The following ZNF608 variants were observed in gnomAD, a reference collection of about 807,000 sequenced individuals.
The protein encoded by ZNF608 is renal carcinoma antigen NY-REN-36.
In ZNF608, 12 loss-of-function variants were observed where a neutral mutation model predicts 109.0. The observed-to-expected ratio is 0.11, with a 90% CI of 0.07 to 0.18. The LOEUF is 0.18. Ranked by LOEUF, ZNF608 falls within the 10% of genes least tolerant of loss-of-function variation. ZNF608 has a pLI of 1.00. For missense variants in ZNF608, 1,707 were observed against 1,879.3 expected, an observed-to-expected ratio of 0.91 and a Z score of 1.70; for synonymous variants, 732 against 717.4, an observed-to-expected ratio of 1.02 and a Z score of -0.33.
At chr5:124,716,349 G>A (rs1753706184) in intron 2 of ZNF608, among the ~76,000 whole-genome samples, 1 of 150,864 alleles carries the variant, frequency 6.6e-6, no homozygotes, top group Non-Finnish European at 1.5e-5. Flanking sequence ...AAAAAAAAGA[G>A]GGGATTTCCT....
At position 124,745,179 on chromosome 5, in the gene ZNF608, AG is replaced by A. The variant is rs34427769; in HGVS notation, c.-183-8del. On this transcript the variant is annotated splice_region_variant and splice_polypyrimidine_tract_variant and intron_variant, in intron 1 of 9. Coordinates refer to ENST00000513986, the MANE Select transcript of ZNF608 (RefSeq NM_020747.3). ...AGTCCAGGTCCACCTTTTCCTGTGA[AG>A]GGGGGGGGAAAAGTCGAATATTTCT... is the stretch of plus-strand genomic sequence containing the variant. 0.22 allele frequency: 305,976 copies of A among 1,361,266 alleles called. 37,323 individuals carry two copies. The highest frequency in any genetic ancestry group is 0.61 in the East Asian group (22,859 of 37,256). The allele number at this position is 1,361,266 out of a possible 1,614,324, so 84.3% of individuals were successfully genotyped here. A position where few individuals can be genotyped will look rare whatever the true frequency, so the allele number is the denominator to read the frequency against.
In ZNF608 at chr5:124,746,473, T is replaced by G; in HGVS notation, c.-462A>C. On this transcript the variant is annotated 5_prime_UTR_variant, in exon 1 of 10. Coordinates refer to ENST00000513986, the MANE Select transcript of ZNF608 (RefSeq NM_020747.3). ...ACATTCACAACAGAAGCACCAAAGG[T>G]TTTTTTTTCCTCTTAACAAGCATCG... is the stretch of plus-strand genomic sequence containing the variant. The G allele has an allele frequency of 5.1e-6, 5 of 983,612 alleles. No individual in the cohort carries two copies. The highest frequency in any genetic ancestry group is 6.0e-6 in the Non-Finnish European group (5 of 829,224). 60.9% of individuals were successfully genotyped at this position (983,612 alleles called of 1,614,324 possible).
intron 3 of ZNF608, among the ~76,000 whole-genome samples, chr5:124,659,844 T>C (rs759070991): frequency 5.3e-5 from 8 of 152,226 alleles, no homozygotes; most frequent in Non-Finnish European, 1.2e-4. Context: ...AAGCTGCTAC[T>C]GATCCATGTG....
intron 2 of ZNF608, among the ~76,000 whole-genome samples, chr5:124,702,017 A>G (rs1383241861): frequency 6.6e-6 from 1 of 152,234 alleles, no homozygotes; most frequent in East Asian, 1.9e-4. Context: ...CTCTAAATAC[A>G]GGAAATGTAA....
Position 124,647,548 on chromosome 5 carries a change from C to G in ZNF608, c.2836G>C (p.Ala946Pro). Reference protein sequence around the residue: ...SPAYSDISDAADDGGSDSRSE... With the variant: ...SPAYSDISDAPDDGGSDSRSE... Reference sequence around the variant, plus strand: ...CTGCTGTCAGAACCACCATCGTCAGCAGCATCAGATATGTCTGAATAGGCC... The same window carrying G: ...CTGCTGTCAGAACCACCATCGTCAGGAGCATCAGATATGTCTGAATAGGCC... Residue 946 changes from alanine (A) to proline (P), a missense_variant, in exon 5 of 10, where the codon GCT becomes CCT. By Grantham distance (27) the Ala-to-Pro change is conservative. Coordinates refer to ENST00000513986, the MANE Select transcript of ZNF608 (RefSeq NM_020747.3). The G allele has an allele frequency of 6.2e-7, 1 of 1,614,238 alleles. No individual in the cohort carries two copies. Among genetic ancestry groups the G allele is most frequent in the Non-Finnish European group, 8.5e-7 (1 of 1,180,042 alleles).
chr5:124,650,079 C>A (rs952037838), intron 3 of ZNF608, among the ~76,000 whole-genome samples: 1 of 152,344 alleles, frequency 6.6e-6, no homozygotes, highest in East Asian at 1.9e-4. Context: ...TATAAACTAG[C>A]GCCAGTTACC....
intron 2 of ZNF608, among the ~76,000 whole-genome samples, chr5:124,739,833 A>G (rs1749307968): frequency 6.6e-6 from 1 of 152,168 alleles, no homozygotes; most frequent in Non-Finnish European, 1.5e-5. Context: ...CGAAGAACAG[A>G]TGGTACTTTC....
intron 3 of ZNF608, among the ~76,000 whole-genome samples, chr5:124,671,887 G>A (rs566154096): frequency 2.6e-5 from 4 of 151,922 alleles, no homozygotes; most frequent in South Asian, 4.2e-4. Flanking sequence ...ATCCACCTGC[G>A]TCAGCTTCCC....
intron 2 of ZNF608, among the ~76,000 whole-genome samples, chr5:124,714,695 AGTGCT>A (rs1753627385): frequency 6.6e-6 from 1 of 152,210 alleles, no homozygotes; most frequent in Non-Finnish European, 1.5e-5. Context: ...CTATCATATA[AGTGCT>A]CAACAAATGT....
chr5:124,654,043 A>G (rs1025637266), intron 3 of ZNF608, among the ~76,000 whole-genome samples: 4 of 152,162 alleles, frequency 2.6e-5, no homozygotes, highest in Non-Finnish European at 4.4e-5. Context: ...GTGTTAAACT[A>G]AATTTGTCTT....
At chr5:124,668,212 A>C (rs945038603) in intron 3 of ZNF608, among the ~76,000 whole-genome samples, 4 of 142,714 alleles carry the variant, frequency 2.8e-5, no homozygotes, top group Non-Finnish European at 4.6e-5. Flanking sequence ...ATATATATAT[A>C]TATATTATAT....
chr5:124,744,261 A>T lies in ZNF608; in HGVS notation c.729T>A (p.Asn243Lys). The T allele has an allele frequency of 2.5e-6, 4 of 1,613,372 alleles. No individual in the cohort carries two copies. Among genetic ancestry groups the T allele is most frequent in the Non-Finnish European group, 3.4e-6 (4 of 1,179,854 alleles). The change falls in exon 2 of 10, where the codon AAT (asparagine) becomes AAA (lysine). Residue 243 changes from asparagine (N) to lysine (K), a missense_variant. Coordinates refer to ENST00000513986, the MANE Select transcript of ZNF608 (RefSeq NM_020747.3). This position sits in a 1 kb window ranked among gnomAD's most constrained non-coding sequence, Gnocchi z 4.5. ...AGTGGAAGGGGCTCGCGCCACCTCC[A>T]TTGCTCTTGGCCCCAAAGCCATAGA... ...GHLYGFGAKS[N>K]GGGASPFHCG...
chr5:124,647,658 A>G lies in ZNF608; in HGVS notation c.2726T>C (p.Leu909Ser), dbSNP rs200276390. 4.3e-5 allele frequency: 70 copies of G among 1,614,186 alleles called. No individual in the cohort carries two copies. In the Admixed American group the frequency reaches 1.1e-3, roughly 27 times the overall value. Residue 909 changes from leucine (L) to serine (S), a missense_variant, in exon 5 of 10, where the codon TTG becomes TCG. Physicochemically the swap from Leu to Ser is moderately radical, Grantham distance 145 (BLOSUM62 -2). Coordinates refer to ENST00000513986, the MANE Select transcript of ZNF608 (RefSeq NM_020747.3). ...TGCCATTGGTGCCTGCCCGTTCACC[A>G]AAGTGCTGCATTCCAGCCTCGAGGC... ...GSASRLECSTLVNGQAPMAPL... is the reference protein window; with the variant it reads ...GSASRLECSTSVNGQAPMAPL...
intron 3 of ZNF608, among the ~76,000 whole-genome samples, chr5:124,677,989 T>G (rs1479783540): frequency 6.6e-6 from 1 of 152,112 alleles, no homozygotes; most frequent in African/African-American, 2.4e-5. Flanking sequence ...CAATATATGG[T>G]AATTAATTTA....
chr5:124,732,215 T>A (rs936451492), intron 2 of ZNF608, among the ~76,000 whole-genome samples: 2 of 152,170 alleles, frequency 1.3e-5, no homozygotes, highest in Non-Finnish European at 2.9e-5. Flanking sequence ...AAGTTCAATG[T>A]ATCAAATATG....
At position 124,641,230 on chromosome 5, in the gene ZNF608, C is replaced by T. The variant is rs925306848; in HGVS notation, c.4450+22G>A. ...TTCCAAAGCAGAATGGACAAAGACA[C>T]AGTAATGATAGAGCTGCTGACCTTG... On this transcript the variant is annotated intron_variant, in intron 8 of 9. Coordinates refer to ENST00000513986, the MANE Select transcript of ZNF608 (RefSeq NM_020747.3). 4.3e-6 allele frequency: 7 copies of T among 1,613,078 alleles called. No homozygotes were observed. The African/African-American group carries it at 5.3e-5, about 12-fold the overall frequency.
chr5:124,710,102 T>A (rs1206598271), intron 2 of ZNF608: 1 of 390,564 alleles, frequency 2.6e-6, no homozygotes, highest in Non-Finnish European at 5.0e-6. Context: ...CATTGATAAA[T>A]ACATTGTCCT....
rs182709910 is a variant in ZNF608, at chr5:124,712,671, C to T, written c.907-11402G>A. Among the ~76,000 whole-genome samples, 79 of 152,268 alleles carry T rather than the reference C, an allele frequency of 5.2e-4. No homozygotes were observed. The Middle Eastern group carries it at 0.01, about 20-fold the overall frequency. On this transcript the variant is annotated intron_variant, in intron 2 of 9. Transcript: ENST00000513986. ...AAGCCACGAGGAGACAGTGCCCACCCACCCTGTGGAGTTGGCCCAGGGTCC... is the reference window on the plus strand; with the variant it reads ...AAGCCACGAGGAGACAGTGCCCACCTACCCTGTGGAGTTGGCCCAGGGTCC...
At chr5:124,706,974 G>A (rs760646049) in intron 2 of ZNF608, among the ~76,000 whole-genome samples, 15 of 152,178 alleles carry the variant, frequency 9.9e-5, no homozygotes, top group Admixed American at 1.3e-4. Context: ...CACAGAGAGC[G>A]GCACTTAGTG....
Sources: allele counts gnomAD v4.1 joint callset (sites outside exome capture counted in the v4.1 genomes callset), GRCh38; gene constraint gnomAD v4.1.1; non-coding constraint Gnocchi (gnomAD v3.1); transcripts MANE v1.5; gene names NCBI Gene and HGNC (gene_info 2026-07-23, HGNC 2026-07-21).